The following ITSN1 variants were observed in gnomAD, a reference collection of about 807,000 sequenced individuals.
ITSN1 encodes the protein intersectin 1, also known as intersectin-1.
In ITSN1, 58 loss-of-function variants were observed where a neutral mutation model predicts 239.8. That is an observed-to-expected ratio of 0.24 (90% CI 0.20 to 0.30). The LOEUF is 0.30. Among genes scored for constraint, ITSN1 ranks in the 10% least tolerant of loss-of-function variants. ITSN1 has a pLI of 1.00. For synonymous variants in ITSN1, 780 were observed against 770.8 expected (o/e 1.01, Z -0.20); for missense variants, 1,558 against 2,103.3 (o/e 0.74, Z 5.07).
Position 33,888,336 on chromosome 21 carries a change from C to G in ITSN1, c.*36C>G, listed in dbSNP as rs762694815. 3.8e-6 allele frequency: 6 copies of G among 1,574,174 alleles called. No homozygotes were observed. Among genetic ancestry groups the G allele is most frequent in the East Asian group, 2.3e-5 (1 of 43,552 alleles). On this transcript the variant is annotated 3_prime_UTR_variant, in exon 40 of 40. Coordinates refer to ENST00000381318, the MANE Select transcript of ITSN1 (RefSeq NM_003024.3). ...CAGGGTGTGCTCAGCAGGGTCCCAG[C>G]CCACGGCCACACATGCTGTCTGGAA... is the stretch of plus-strand genomic sequence containing the variant.
At chr21:33,667,119 C>T (rs1428163539) in intron 1 of ITSN1, among the ~76,000 whole-genome samples, 2 of 151,960 alleles carry the variant, frequency 1.3e-5, no homozygotes, top group Admixed American at 1.3e-4. Flanking sequence ...TAAGCCACCA[C>T]ACCCAGCCTA....
chr21:33,651,255 G>A (rs1242767744), intron 1 of ITSN1, among the ~76,000 whole-genome samples: 1 of 152,362 alleles, frequency 6.6e-6, no homozygotes, highest in Admixed American at 6.5e-5. Context: ...TGTCTGGGAA[G>A]TAGGAAGTTA....
chr21:33,706,589 T>A (rs79706297), intron 1 of ITSN1, among the ~76,000 whole-genome samples: 8,435 of 152,200 alleles, frequency 0.055, 796 homozygotes, highest in African/African-American at 0.19. Context: ...TCACTTCTAT[T>A]AGAAAACCTT....
At chr21:33,699,878 C>T (rs1333959287) in intron 1 of ITSN1, among the ~76,000 whole-genome samples, 1 of 152,178 alleles carries the variant, frequency 6.6e-6, no homozygotes. Context: ...TTTCCTGCCT[C>T]AGCCTCCCCA....
Position 33,765,941 on chromosome 21 carries a change from C to A in ITSN1, c.855C>A (p.Leu285=). 6.2e-7 allele frequency: 1 copy of A among 1,614,100 alleles called. No individual in the cohort carries two copies. Among genetic ancestry groups the A allele is most frequent in the Non-Finnish European group, 8.5e-7 (1 of 1,179,942 alleles). Residue 285 remains leucine (L), a synonymous_variant, in exon 10 of 40, where the codon CTC becomes CTA. Coordinates refer to ENST00000381318, the MANE Select transcript of ITSN1 (RefSeq NM_003024.3). ...TAEEFILAMH[L]IDVAMSGQPL... is the part of the protein sequence containing the mutation. ...AGGAATTTATCCTGGCAATGCACCT[C>A]ATTGATGTAGCTATGTCTGGCCAAC... is the stretch of plus-strand genomic sequence containing the variant.
At chr21:33,838,265 C>T (rs926552877) in intron 29 of ITSN1, 2 of 985,296 alleles carry the variant, frequency 2.0e-6, no homozygotes, top group African/African-American at 1.7e-5. Context: ...GCTCACTCCC[C>T]TCGCGTTCTC....
chr21:33,776,816 T>C (rs778015412), intron 14 of ITSN1, among the ~76,000 whole-genome samples: 1 of 152,204 alleles, frequency 6.6e-6, no homozygotes, highest in Non-Finnish European at 1.5e-5. Flanking sequence ...TAACAAGTCC[T>C]TTGTCAGATA....
chr21:33,821,519 G>T (rs2073674864), intron 24 of ITSN1, among the ~76,000 whole-genome samples: 1 of 152,166 alleles, frequency 6.6e-6, no homozygotes, highest in African/African-American at 2.4e-5. Flanking sequence ...GCTTGGGGAT[G>T]GCCAGTGCCC....
chr21:33,703,914 G>T (rs529400189), intron 1 of ITSN1, among the ~76,000 whole-genome samples: 2 of 152,270 alleles, frequency 1.3e-5, no homozygotes, highest in Non-Finnish European at 2.9e-5. Context: ...TAGCCCTGAG[G>T]TGCTGCCTCT....
At chr21:33,667,457 G>A (rs117902700) in intron 1 of ITSN1, among the ~76,000 whole-genome samples, 13 of 152,266 alleles carry the variant, frequency 8.5e-5, no homozygotes, top group Non-Finnish European at 1.9e-4. Flanking sequence ...TAAATTGTAA[G>A]CCAAATGACT....
At chr21:33,712,188 ATT>A (rs372298869) in intron 1 of ITSN1, among the ~76,000 whole-genome samples, 1 of 145,958 alleles carries the variant, frequency 6.9e-6, no homozygotes, top group African/African-American at 2.5e-5. Context: ...GTTGATTGCA[ATT>A]TTTTTTTTTT....
intron 17 of ITSN1, among the ~76,000 whole-genome samples, chr21:33,794,761 G>T (rs1259617772): frequency 6.6e-6 from 1 of 151,300 alleles, no homozygotes; most frequent in Admixed American, 6.6e-5. Context: ...CTAATGGCCA[G>T]TTCACAGCCT....
intron 29 of ITSN1, among the ~76,000 whole-genome samples, chr21:33,855,066 G>C (rs974855800): frequency 2.4e-4 from 36 of 152,254 alleles, no homozygotes; most frequent in African/African-American, 8.4e-4. Context: ...AGAAATCTCT[G>C]ATATCATTTG....
chr21:33,869,870 T>C (rs186593376), intron 33 of ITSN1, among the ~76,000 whole-genome samples: 1 of 152,286 alleles, frequency 6.6e-6, no homozygotes, highest in East Asian at 1.9e-4. Flanking sequence ...CATATGCCAA[T>C]GTATATACAC....
chr21:33,698,612 C>T (rs1201844331), intron 1 of ITSN1, among the ~76,000 whole-genome samples: 1 of 152,202 alleles, frequency 6.6e-6, no homozygotes, highest in Non-Finnish European at 1.5e-5. Context: ...AGGCTCAGGG[C>T]TTCAGACATG....
intron 36 of ITSN1, among the ~76,000 whole-genome samples, chr21:33,883,942 C>T (rs1227728356): frequency 6.8e-6 from 1 of 147,344 alleles, no homozygotes; most frequent in Non-Finnish European, 1.5e-5. Context: ...CTCTGTCACC[C>T]AGGCTGGAGT....
At chr21:33,790,060 G>A (rs1053331566) in intron 16 of ITSN1, among the ~76,000 whole-genome samples, 4 of 152,052 alleles carry the variant, frequency 2.6e-5, no homozygotes, top group Admixed American at 2.6e-4. Context: ...CCAGTAATTT[G>A]TTATTGTGGT....
intron 7 of ITSN1, chr21:33,754,052 T>A (rs1406823464): frequency 3.9e-5 from 6 of 152,164 alleles, no homozygotes; most frequent in Non-Finnish European, 1.5e-5. Flanking sequence ...AAAACTCTGA[T>A]GTGATAAGTG....
intron 1 of ITSN1, among the ~76,000 whole-genome samples, chr21:33,643,047 C>G (rs1231250701): frequency 6.7e-6 from 1 of 149,626 alleles, no homozygotes; most frequent in Non-Finnish European, 1.5e-5. Flanking sequence ...GCTCCCTCCT[C>G]TCGCGGGGAC....
Sources: allele counts gnomAD v4.1 joint callset (sites outside exome capture counted in the v4.1 genomes callset), GRCh38; gene constraint gnomAD v4.1.1; transcripts MANE v1.5; gene names NCBI Gene and HGNC (gene_info 2026-07-23, HGNC 2026-07-21).